The following MYO10 variants were observed in gnomAD, a reference collection of about 807,000 sequenced individuals.
MYO10 encodes unconventional myosin-X.
Under a neutral mutation model 257.3 loss-of-function variants are expected in MYO10, and 133 were observed. The ratio of observed to expected loss-of-function variants is 0.52; its 90% CI spans 0.45 to 0.60. The LOEUF (loss-of-function observed/expected upper bound fraction) is 0.60. MYO10 is among the 20% of genes least tolerant of loss of function. The probability of loss-of-function intolerance (pLI) is 0.00; values close to 1 mark genes in which losing one functional copy is unlikely to be tolerated. For missense variants in MYO10, 2,399 were observed against 2,635.7 expected (o/e 0.91, Z 1.97); for synonymous variants, 1,104 against 1,028.6 (o/e 1.07, Z -1.40).
intron 29 of MYO10, 34 bp downstream of exon 29, chr5:16,685,704 C>T (rs370167087): frequency 7.8e-5 from 65 of 838,700 alleles, no homozygotes; most frequent in African/African-American, 6.1e-4. Context: ...TGCCCCTAGA[C>T]GCCCCACCCC....
At chr5:16,774,609 GAC>G (rs1319928037) in intron 9 of MYO10, among the ~76,000 whole-genome samples, 1 of 151,968 alleles carries the variant, frequency 6.6e-6, no homozygotes, top group African/African-American at 2.4e-5. Flanking sequence ...TTTTAGTAGA[GAC>G]GGGGTTTCAC....
rs937207005 is a variant in MYO10, at chr5:16,681,567, C to T, written c.4190-64G>A. 4 of 1,449,996 alleles carry T rather than the reference C, an allele frequency of 2.8e-6. No homozygotes were observed. The African/African-American group carries it at 4.3e-5, about 15-fold the overall frequency. 89.8% of individuals were successfully genotyped at this position (1,449,996 alleles called of 1,614,324 possible). A position where few individuals can be genotyped will look rare whatever the true frequency, so the allele number is the denominator to read the frequency against. On this transcript the variant is annotated intron_variant, in intron 31 of 40. Coordinates refer to ENST00000513610, the MANE Select transcript of MYO10 (RefSeq NM_012334.3). Reference sequence around the variant, plus strand: ...GGAGAAACCCCAAAGACCACACAATCATCTGCATAATGCTAACACATGGGT... The same window carrying T: ...GGAGAAACCCCAAAGACCACACAATTATCTGCATAATGCTAACACATGGGT...
At chr5:16,792,110 T>TACATAC (rs1741775877) in intron 4 of MYO10, among the ~76,000 whole-genome samples, 1 of 139,008 alleles carries the variant, frequency 7.2e-6, no homozygotes, top group South Asian at 2.4e-4. Context: ...CACACATACA[T>TACATAC]ACACACACAC....
chr5:16,669,389 A>G (rs1363155050), intron 39 of MYO10, among the ~76,000 whole-genome samples: 1 of 151,948 alleles, frequency 6.6e-6, no homozygotes, highest in Non-Finnish European at 1.5e-5. Flanking sequence ...AATTTTTTGC[A>G]GAGATGGGGT....
At chr5:16,817,539 T>C (rs1742661371) in intron 3 of MYO10, among the ~76,000 whole-genome samples, 1 of 152,200 alleles carries the variant, frequency 6.6e-6, no homozygotes, top group African/African-American at 2.4e-5. Context: ...CTTAGAAAGA[T>C]GGGTTCCCTT....
At chr5:16,769,922 TTTTTGTTTTG>T (rs113352233) in intron 9 of MYO10, among the ~76,000 whole-genome samples, 13 of 151,898 alleles carry the variant, frequency 8.6e-5, no homozygotes, top group Non-Finnish European at 1.5e-4. Flanking sequence ...AGGGGGTGTA[TTTTTGTTTTG>T]TTTTGTTTTG....
chr5:16,903,455 G>A (rs375511186), intron 1 of MYO10, among the ~76,000 whole-genome samples: 41 of 152,140 alleles, frequency 2.7e-4, no homozygotes, highest in African/African-American at 9.4e-4. Context: ...CATGGGAAAC[G>A]AGGCATGGAG....
chr5:16,718,187 C>T (rs933205787), intron 19 of MYO10, among the ~76,000 whole-genome samples: 1 of 152,208 alleles, frequency 6.6e-6, no homozygotes, highest in African/African-American at 2.4e-5. Flanking sequence ...GCTGCCTTCC[C>T]GTGGAGCAAG....
intron 2 of MYO10, among the ~76,000 whole-genome samples, chr5:16,862,767 A>G (rs1187202844): frequency 6.6e-6 from 1 of 152,166 alleles, no homozygotes; most frequent in East Asian, 1.9e-4. Flanking sequence ...CTTACCTTCA[A>G]TTTAAATTTT....
intron 1 of MYO10, among the ~76,000 whole-genome samples, chr5:16,919,605 A>C (rs1240004433): frequency 2.0e-5 from 3 of 152,226 alleles, no homozygotes; most frequent in African/African-American, 7.2e-5. Flanking sequence ...TAAATGAATT[A>C]ATACATGTAA....
intron 19 of MYO10, among the ~76,000 whole-genome samples, chr5:16,733,613 T>TC (rs11427143): frequency 0.26 from 39,147 of 151,954 alleles, 5,458 homozygotes; most frequent in African/African-American, 0.34. Flanking sequence ...AGGAGTCCTT[T>TC]TCTTGCTTAT....
chr5:16,886,954 G>A (rs2625166), intron 1 of MYO10, among the ~76,000 whole-genome samples: 69,456 of 145,334 alleles, frequency 0.48, 16,945 homozygotes, highest in African/African-American at 0.57. Flanking sequence ...AAAAAACAAA[G>A]CAAAAACAAA....
rs1413952736 is a variant in MYO10 at position 16,783,596 on chromosome 5, T to C, written c.468-127A>G. 2.7e-5 allele frequency: 29 copies of C among 1,072,316 alleles called. No homozygotes were observed. The East Asian group carries it at 7.3e-4, about 27-fold the overall frequency. The allele number at this position is 1,072,316 out of a possible 1,614,324, so 66.4% of individuals were successfully genotyped here. A position where few individuals can be genotyped will look rare whatever the true frequency, so the allele number is the denominator to read the frequency against. ...AAAGGTGGGAAGAGGGAGATCAAAATGCCTGTTTCCAAAGAGCTGAGTTAA... is the reference window on the plus strand; with the variant it reads ...AAAGGTGGGAAGAGGGAGATCAAAACGCCTGTTTCCAAAGAGCTGAGTTAA... On this transcript the variant is annotated intron_variant, in intron 4 of 40. Coordinates refer to ENST00000513610, the MANE Select transcript of MYO10 (RefSeq NM_012334.3).
chr5:16,701,575 C>T lies in MYO10; in HGVS notation c.2820G>A (p.Glu940=). The change falls in exon 25 of 41, where the codon GAG becomes GAA. Residue 940 remains glutamate, a synonymous_variant. Coordinates refer to ENST00000513610, the MANE Select transcript of MYO10 (RefSeq NM_012334.3). This position sits in a 1 kb window ranked among gnomAD's most constrained non-coding sequence, Gnocchi z 8.1. ...CGTCGAAATTGAGGGACTCGAGGAA[C>T]TCCTGGGCCGCCCTGCACGCTTCCT... is the stretch of plus-strand genomic sequence containing the variant. The part of the protein sequence containing the change: ...LEEEACRAAQ[E]FLESLNFDEI... The T allele has an allele frequency of 6.2e-7, 1 of 1,613,884 alleles. No individual in the cohort carries two copies. The highest frequency in any genetic ancestry group is 8.5e-7 in the Non-Finnish European group (1 of 1,179,884).
intron 2 of MYO10, among the ~76,000 whole-genome samples, chr5:16,831,934 G>T (rs927708352): frequency 1.3e-5 from 2 of 151,982 alleles, no homozygotes; most frequent in Non-Finnish European, 2.9e-5. Context: ...AGGTTTTTGG[G>T]TGTGTGTGTG....
intron 3 of MYO10, among the ~76,000 whole-genome samples, chr5:16,811,631 C>A (rs1742443326): frequency 6.6e-6 from 1 of 152,184 alleles, no homozygotes; most frequent in African/African-American, 2.4e-5. Context: ...CTCACTGCTG[C>A]CTCAACCTCC....
chr5:16,673,232 G>A (rs1014773513), intron 36 of MYO10, among the ~76,000 whole-genome samples: 13 of 151,438 alleles, frequency 8.6e-5, no homozygotes, highest in Admixed American at 1.3e-4. Context: ...GGTGGGGGTC[G>A]GGGTGGTGGT....
intron 1 of MYO10, among the ~76,000 whole-genome samples, chr5:16,934,347 T>G (rs1746375708): frequency 6.6e-6 from 1 of 152,254 alleles, no homozygotes; most frequent in South Asian, 2.1e-4. Flanking sequence ...TCATCAGATT[T>G]TCTAAGGGAC....
intron 9 of MYO10, among the ~76,000 whole-genome samples, chr5:16,774,031 T>C (rs1423103025): frequency 1.3e-5 from 2 of 152,224 alleles, no homozygotes; most frequent in Non-Finnish European, 2.9e-5. Context: ...CTATTTACAA[T>C]CTTTGTTAAT....
Sources: allele counts gnomAD v4.1 joint callset (sites outside exome capture counted in the v4.1 genomes callset), GRCh38; gene constraint gnomAD v4.1.1; non-coding constraint Gnocchi (gnomAD v3.1); transcripts MANE v1.5; gene names NCBI Gene and HGNC (gene_info 2026-07-23, HGNC 2026-07-21).